Variants in NEGR1 observed in about 807,000 individuals in gnomAD.
The protein encoded by NEGR1 is IgLON family member 4.
Under a neutral mutation model 40.9 loss-of-function variants are expected in NEGR1, and 10 were observed. That is an observed-to-expected ratio of 0.24 (90% CI 0.15 to 0.42). NEGR1 has a LOEUF of 0.42. Ranked by LOEUF, NEGR1 falls within the 10% of genes least tolerant of loss-of-function variation. The pLI, the probability that NEGR1 is intolerant of heterozygous loss-of-function variation, is 1.00. For synonymous variants in NEGR1, 185 were observed against 166.8 expected, an observed-to-expected ratio of 1.11 and a Z score of -0.84; for missense variants, 352 against 438.9, an observed-to-expected ratio of 0.80 and a Z score of 1.77.
At chr1:71,758,059 A>G (rs1387856696) in intron 3 of NEGR1, among the ~76,000 whole-genome samples, 2 of 152,012 alleles carry the variant, frequency 1.3e-5, no homozygotes, top group African/African-American at 4.8e-5. Context: ...TGTTGTAGAT[A>G]AAGAAACTGA....
chr1:71,486,922 T>A (rs897817608), intron 6 of NEGR1: 1 of 151,568 alleles, frequency 6.6e-6, no homozygotes, highest in African/African-American at 2.4e-5. Context: ...CAGTGTTCCA[T>A]ACTACACCCT....
At chr1:71,660,551 GTA>G (rs761420092) in intron 4 of NEGR1, among the ~76,000 whole-genome samples, 13 of 152,108 alleles carry the variant, frequency 8.5e-5, no homozygotes, top group Non-Finnish European at 1.6e-4. Context: ...CTCATAGAAA[GTA>G]TGTTTTTGTA....
At chr1:71,523,499 A>G (rs1371193948) in intron 6 of NEGR1, among the ~76,000 whole-genome samples, 1 of 151,904 alleles carries the variant, frequency 6.6e-6, no homozygotes, top group African/African-American at 2.4e-5. Context: ...CCACCTTCAA[A>G]CAAAGCACAA....
chr1:71,579,239 A>C (rs553112138), intron 6 of NEGR1, among the ~76,000 whole-genome samples: 39 of 152,118 alleles, frequency 2.6e-4, no homozygotes, highest in Non-Finnish European at 4.9e-4. Flanking sequence ...TGGGATTTCT[A>C]TTATTCACTT....
At chr1:71,497,891 A>G (rs1377306810) in intron 6 of NEGR1, among the ~76,000 whole-genome samples, 1 of 152,058 alleles carries the variant, frequency 6.6e-6, no homozygotes, top group Non-Finnish European at 1.5e-5. Context: ...TATATCTTCT[A>G]TGTTTTAGTC....
At chr1:72,019,106 G>T (rs191304339) in intron 1 of NEGR1, among the ~76,000 whole-genome samples, 100 of 152,294 alleles carry the variant, frequency 6.6e-4, no homozygotes, top group Non-Finnish European at 1.3e-3. Flanking sequence ...AACAAGGGGA[G>T]AAGTCAAGGA....
At chr1:71,956,655 T>C (rs1646122064) in intron 1 of NEGR1, among the ~76,000 whole-genome samples, 1 of 152,158 alleles carries the variant, frequency 6.6e-6, no homozygotes, top group Non-Finnish European at 1.5e-5. Context: ...TGTCAATACA[T>C]ATCAGTCATA....
chr1:71,621,097 T>G (rs1389454177), intron 4 of NEGR1, among the ~76,000 whole-genome samples: 1 of 152,010 alleles, frequency 6.6e-6, no homozygotes, highest in Non-Finnish European at 1.5e-5. Flanking sequence ...GGGCATGGAA[T>G]CATGATAAGA....
intron 6 of NEGR1, among the ~76,000 whole-genome samples, chr1:71,453,918 C>T (rs1029792953): frequency 5.3e-5 from 8 of 152,110 alleles, no homozygotes; most frequent in African/African-American, 1.9e-4. Flanking sequence ...AAAGAAATAA[C>T]CTCTGCCCTT....
chr1:71,655,760 A>G (rs954300), intron 4 of NEGR1, among the ~76,000 whole-genome samples: 71,023 of 151,882 alleles, frequency 0.47, 16,993 homozygotes, highest in East Asian at 0.67. Context: ...TCTAGAAGAT[A>G]CTGAGAAGTT....
intron 1 of NEGR1, among the ~76,000 whole-genome samples, chr1:72,107,158 A>G (rs1310518997): frequency 6.6e-6 from 1 of 151,808 alleles, no homozygotes; most frequent in Non-Finnish European, 1.5e-5. Context: ...CATTGAAATG[A>G]TAACAGAGGA....
chr1:71,822,744 C>A (rs1658476718), intron 2 of NEGR1, among the ~76,000 whole-genome samples: 1 of 151,938 alleles, frequency 6.6e-6, no homozygotes, highest in Non-Finnish European at 1.5e-5. Flanking sequence ...TTGGCCAGTT[C>A]CACTATTAAA....
chr1:71,555,658 G>C (rs892861869), intron 6 of NEGR1, among the ~76,000 whole-genome samples: 1 of 151,510 alleles, frequency 6.6e-6, no homozygotes, highest in Non-Finnish European at 1.5e-5. Flanking sequence ...TCTTTCCTAA[G>C]TCACTCGTGA....
At chr1:71,861,146 G>A (rs1270261179) in intron 2 of NEGR1, among the ~76,000 whole-genome samples, 1 of 152,000 alleles carries the variant, frequency 6.6e-6, no homozygotes, top group African/African-American at 2.4e-5. Context: ...GGAGCTAGCA[G>A]CCTGGATTTG....
chr1:71,564,205 A>C (rs2101484228), intron 6 of NEGR1, among the ~76,000 whole-genome samples: 1 of 152,092 alleles, frequency 6.6e-6, no homozygotes, highest in African/African-American at 2.4e-5. Context: ...ACTTTAAATA[A>C]GTTTGGGAAG....
intron 2 of NEGR1, among the ~76,000 whole-genome samples, chr1:71,863,461 G>T (rs567866733): frequency 6.6e-6 from 1 of 152,212 alleles, no homozygotes; most frequent in East Asian, 1.9e-4. Context: ...GTTGTGGGAA[G>T]GAAGAACATC....
intron 1 of NEGR1, among the ~76,000 whole-genome samples, chr1:71,939,121 C>T (rs1443839997): frequency 6.6e-6 from 1 of 152,134 alleles, no homozygotes; most frequent in Non-Finnish European, 1.5e-5. Context: ...TCCAACAAGT[C>T]AGGCATTCTC....
At chr1:71,423,829 CCT>C (rs1646412579) in intron 6 of NEGR1, among the ~76,000 whole-genome samples, 1 of 149,344 alleles carries the variant, frequency 6.7e-6, no homozygotes, top group South Asian at 2.1e-4. Flanking sequence ...ACCCACCCCC[CCT>C]TTTTTTTTTT....
At chr1:72,224,554 G>T (rs1018841635) in intron 1 of NEGR1, among the ~76,000 whole-genome samples, 1 of 152,100 alleles carries the variant, frequency 6.6e-6, no homozygotes, top group Non-Finnish European at 1.5e-5. Flanking sequence ...GTGCTATTAT[G>T]ATTCTTATTC....
Sources: gnomAD v4.1 joint callset for allele counts (sites outside exome capture counted in the v4.1 genomes callset) on GRCh38, gnomAD v4.1.1 for gene constraint, MANE v1.5 for transcripts, NCBI Gene and HGNC (gene_info 2026-07-23, HGNC 2026-07-21) for gene names.